SGCD: variants seen among roughly 807,000 people sequenced by gnomAD.
SGCD encodes delta-sarcoglycan.
Under a neutral mutation model 36.6 loss-of-function variants are expected in SGCD, and 18 were observed. The ratio of observed to expected loss-of-function variants is 0.49; its 90% CI spans 0.34 to 0.73. The LOEUF (loss-of-function observed/expected upper bound fraction) is 0.73. SGCD is among the 30% of genes least tolerant of loss of function. The pLI is 0.01. For missense variants in SGCD, 387 were observed against 346.7 expected (o/e 1.12, Z -0.92); for synonymous variants, 133 against 130.6 (o/e 1.02, Z -0.12).
chr5:156,723,694 C>T (rs761720608), intron 7 of SGCD, among the ~76,000 whole-genome samples: 12 of 152,044 alleles, frequency 7.9e-5, no homozygotes, highest in Non-Finnish European at 1.3e-4. Flanking sequence ...AGGACTGGCA[C>T]GGGAGTGGCA....
At chr5:156,133,471 A>T (rs1217453056) in intron 3 of SGCD, among the ~76,000 whole-genome samples, 14 of 152,036 alleles carry the variant, frequency 9.2e-5, no homozygotes, top group Non-Finnish European at 8.8e-5. Context: ...CATTTTATGG[A>T]TGAGGAAACT....
intron 4 of SGCD, among the ~76,000 whole-genome samples, chr5:156,547,413 C>A: frequency 6.6e-6 from 1 of 151,510 alleles, no homozygotes; most frequent in Admixed American, 6.6e-5. Flanking sequence ...ATTTGTTGTA[C>A]CAAAAGATAG....
At chr5:155,820,490 T>C in the SGCD span, among the ~76,000 whole-genome samples, 1 of 152,028 alleles carries the variant, frequency 6.6e-6, no homozygotes, top group Admixed American at 6.6e-5. Context: ...TGAAACCCTG[T>C]GTCTACTAAA....
chr5:156,680,450 T>C (rs1753676893), intron 7 of SGCD, among the ~76,000 whole-genome samples: 1 of 152,168 alleles, frequency 6.6e-6, no homozygotes. Flanking sequence ...TGAGCTTAGG[T>C]CTTCCCATTT....
rs558937721 is a variant in SGCD, at chr5:156,572,343, G to A, written c.295-16888G>A. ...TGACAAGCTGTTTTTCATAGCAGTC[G>A]CACCCTTTTACATTCCCACCAGCAG... On this transcript the variant is annotated intron_variant, in intron 4 of 8. Coordinates refer to ENST00000337851, the MANE Select transcript of SGCD (RefSeq NM_000337.6). Among the ~76,000 whole-genome samples the A allele has an allele frequency of 6.6e-5, 10 of 152,188 alleles. No homozygotes were observed. In the South Asian group the frequency reaches 1.5e-3, roughly 22 times the overall value.
intron 7 of SGCD, among the ~76,000 whole-genome samples, chr5:156,685,072 AGAAACGT>A (rs2113692284): frequency 6.6e-6 from 1 of 152,304 alleles, no homozygotes; most frequent in African/African-American, 2.4e-5. Context: ...TTAATGGGAA[AGAAACGT>A]TTCTCAAAGG....
At chr5:155,777,390 TC>T in the SGCD span, among the ~76,000 whole-genome samples, 1 of 150,936 alleles carries the variant, frequency 6.6e-6, no homozygotes, top group Non-Finnish European at 1.5e-5. Flanking sequence ...AGGATCTAGC[TC>T]TGTTGTCCAG....
chr5:156,491,713 C>T (rs1464839726), intron 3 of SGCD, among the ~76,000 whole-genome samples: 1 of 152,136 alleles, frequency 6.6e-6, no homozygotes, highest in African/African-American at 2.4e-5. Context: ...ACTTTAATTT[C>T]TAATTGGCTG....
chr5:156,609,769 T>A (rs1164198798), intron 6 of SGCD, among the ~76,000 whole-genome samples: 1 of 152,190 alleles, frequency 6.6e-6, no homozygotes, highest in Non-Finnish European at 1.5e-5. Context: ...TCTCTAAACT[T>A]CTCTTCTCAC....
chr5:156,417,061 A>G (rs1489463619), intron 3 of SGCD, among the ~76,000 whole-genome samples: 1 of 152,214 alleles, frequency 6.6e-6, no homozygotes, highest in Non-Finnish European at 1.5e-5. Flanking sequence ...AAGAAAGGAC[A>G]GGAGAGAACA....
chr5:156,595,400 A>T (rs974790189), intron 6 of SGCD, among the ~76,000 whole-genome samples: 3 of 152,164 alleles, frequency 2.0e-5, no homozygotes, highest in African/African-American at 7.2e-5. Flanking sequence ...GAACTGTGAG[A>T]AATCAATTTC....
chr5:155,998,116 T>C (rs1011467478), intron 1 of SGCD, among the ~76,000 whole-genome samples: 3 of 152,366 alleles, frequency 2.0e-5, no homozygotes, highest in African/African-American at 7.2e-5. Flanking sequence ...GCATTGCAGA[T>C]GCTGGATGCT....
intron 7 of SGCD, among the ~76,000 whole-genome samples, chr5:156,703,490 T>C (rs1431170092): frequency 6.6e-6 from 1 of 152,138 alleles, no homozygotes; most frequent in Admixed American, 6.5e-5. Flanking sequence ...GCTTTTTGAA[T>C]AGCATTACTT....
At chr5:156,101,945 A>T (rs2436328) in intron 1 of SGCD, among the ~76,000 whole-genome samples, 14,087 of 97,834 alleles carry the variant, frequency 0.14, 646 homozygotes, top group African/African-American at 0.17. Context: ...TGTGTGTGAG[A>T]GAGAGAGAGA....
chr5:156,653,387 G>A (rs1303406361), intron 7 of SGCD, among the ~76,000 whole-genome samples: 1 of 150,366 alleles, frequency 6.7e-6, no homozygotes, highest in Non-Finnish European at 1.5e-5. Flanking sequence ...GCATAGAGGT[G>A]TTCATAATAG....
At chr5:155,846,539 T>C in the SGCD span, among the ~76,000 whole-genome samples, 1 of 152,182 alleles carries the variant, frequency 6.6e-6, no homozygotes, top group South Asian at 2.1e-4. Context: ...GGGAAGGACT[T>C]CCCTTCACAT....
chr5:156,522,283 G>A (rs905604363), intron 4 of SGCD, among the ~76,000 whole-genome samples: 1 of 152,060 alleles, frequency 6.6e-6, no homozygotes, highest in Non-Finnish European at 1.5e-5. Context: ...CATGGCACAT[G>A]TATACCTATG....
chr5:156,612,484 G>A (rs1474374910), intron 6 of SGCD, among the ~76,000 whole-genome samples: 4 of 152,250 alleles, frequency 2.6e-5, no homozygotes, highest in Non-Finnish European at 4.4e-5. Flanking sequence ...TACTCACAAG[G>A]CTTTCTAGTG....
At chr5:156,156,796 G>T (rs74765853) in intron 3 of SGCD, among the ~76,000 whole-genome samples, 2,190 of 151,372 alleles carry the variant, frequency 0.014, 31 homozygotes, top group Non-Finnish European at 0.024. Context: ...TTGGGATTCC[G>T]CCCTCAAATG....
Sources: gnomAD v4.1 joint callset for allele counts (sites outside exome capture counted in the v4.1 genomes callset) on GRCh38, gnomAD v4.1.1 for gene constraint, MANE v1.5 for transcripts, NCBI Gene and HGNC (gene_info 2026-07-23, HGNC 2026-07-21) for gene names.